The following SLC5A8 variants were observed in gnomAD, a reference collection of about 807,000 sequenced individuals.
SLC5A8 encodes the protein sodium-coupled monocarboxylate transporter 1.
In SLC5A8, 55 loss-of-function variants were observed where a neutral mutation model predicts 71.9. The ratio of observed to expected loss-of-function variants is 0.77; its 90% confidence interval spans 0.62 to 0.96. The LOEUF (loss-of-function observed/expected upper bound fraction) is 0.96, where lower values mean the gene tolerates loss of function less well. Among genes scored for constraint, SLC5A8 ranks in the 40% least tolerant of loss-of-function variants. SLC5A8 has a pLI of 0.00. For synonymous variants in SLC5A8, 307 were observed against 276.1 expected (o/e 1.11, Z -1.11); for missense variants, 701 against 745.3 (o/e 0.94, Z 0.69).
chr12:101,184,965 A>C (rs377495332), intron 7 of SLC5A8, among the ~76,000 whole-genome samples: 9 of 152,380 alleles, frequency 5.9e-5, no homozygotes, highest in Admixed American at 2.6e-4. Context: ...AAAGAGTCCT[A>C]AGTGGACAAT....
intron 10 of SLC5A8, among the ~76,000 whole-genome samples, chr12:101,173,273 T>C: frequency 6.6e-6 from 1 of 152,224 alleles, no homozygotes; most frequent in East Asian, 1.9e-4. Flanking sequence ...GGTGCCTTTC[T>C]CTTTGGGTTC....
intron 8 of SLC5A8, among the ~76,000 whole-genome samples, chr12:101,183,647 G>A (rs1055360602): frequency 1.3e-5 from 2 of 152,120 alleles, no homozygotes; most frequent in African/African-American, 4.8e-5. Context: ...AACACACACT[G>A]TACATGTTGA....
At chr12:101,187,571 T>C (rs1043285411) in intron 6 of SLC5A8, 56 bp from the exon 7 acceptor site, 1 of 1,554,796 alleles carries the variant, frequency 6.4e-7, no homozygotes, top group South Asian at 1.2e-5. Context: ...TCCCAAAGAT[T>C]AGGAAACCTG....
chr12:101,209,875 C>A lies in SLC5A8; in HGVS notation c.-27G>T, dbSNP rs76946257. On this transcript the variant is annotated 5_prime_UTR_variant, in exon 1 of 15. Transcript: ENST00000536262. ...GCCGCACGGTCGCCTGAGCCCTGCG[C>A]GCAAACTGGTGGCCCCGCGGCGCGC... 14,389 of 1,492,382 alleles carry A rather than the reference C, an allele frequency of 9.6e-3. 1,216 individuals carry two copies. The African/African-American group carries it at 0.18, about 19-fold the overall frequency. The allele number at this position is 1,492,382 out of a possible 1,614,324, so 92.4% of individuals were successfully genotyped here.
intron 14 of SLC5A8, among the ~76,000 whole-genome samples, chr12:101,157,908 A>G (rs1213999694): frequency 1.3e-5 from 2 of 152,208 alleles, no homozygotes; most frequent in Non-Finnish European, 2.9e-5. Context: ...GTAGCTCATC[A>G]GAGAATAGAG....
chr12:101,159,735 G>GA (rs1048510395), intron 13 of SLC5A8, among the ~76,000 whole-genome samples: 2 of 151,736 alleles, frequency 1.3e-5, no homozygotes, highest in African/African-American at 4.8e-5. Context: ...GCATTTAAAA[G>GA]AAAAAAAGGA....
chr12:101,187,748 G>C (rs1868720034), intron 6 of SLC5A8, among the ~76,000 whole-genome samples: 1 of 152,214 alleles, frequency 6.6e-6, no homozygotes, highest in African/African-American at 2.4e-5. Context: ...CCCCATGAAA[G>C]AGTGTATGCT....
intron 11 of SLC5A8, 76 bp from the exon 12 acceptor site, chr12:101,166,775 G>A (rs1162553340): frequency 4.2e-5 from 55 of 1,317,388 alleles, no homozygotes; most frequent in Non-Finnish European, 5.0e-5. Flanking sequence ...AGAAAGCCAA[G>A]TTCAACATGG....
intron 6 of SLC5A8, among the ~76,000 whole-genome samples, chr12:101,189,295 T>C (rs1868798879): frequency 6.6e-6 from 1 of 152,206 alleles, no homozygotes; most frequent in African/African-American, 2.4e-5. Flanking sequence ...TAAGTTCATT[T>C]TGGGGGGATC....
intron 10 of SLC5A8, among the ~76,000 whole-genome samples, chr12:101,177,194 T>C (rs935362099): frequency 4.6e-5 from 7 of 151,990 alleles, no homozygotes; most frequent in African/African-American, 1.7e-4. Context: ...AAAACATAAA[T>C]TGTCACAATT....
intron 9 of SLC5A8, among the ~76,000 whole-genome samples, chr12:101,181,610 G>T (rs996717865): frequency 5.3e-5 from 8 of 152,150 alleles, no homozygotes; most frequent in Admixed American, 3.9e-4. Flanking sequence ...GCTTGTATGG[G>T]TAACTGGATT....
intron 2 of SLC5A8, 49 bp from the exon 3 acceptor site, chr12:101,202,264 A>C: frequency 6.9e-7 from 1 of 1,445,530 alleles, no homozygotes; most frequent in Non-Finnish European, 9.3e-7. Flanking sequence ...TATAAAATTC[A>C]TGAATTACGT....
At chr12:101,181,362 C>T (rs1335848552) in intron 9 of SLC5A8, among the ~76,000 whole-genome samples, 1 of 152,146 alleles carries the variant, frequency 6.6e-6, no homozygotes, top group Admixed American at 6.5e-5. Context: ...TTATTGGAAA[C>T]ACATTCAAAT....
Position 101,180,054 on chromosome 12 carries a change from G to A in SLC5A8, c.1208C>T (p.Ala403Val), listed in dbSNP as rs747375853. 7 of 1,613,816 alleles carry A rather than the reference G, an allele frequency of 4.3e-6. No individual in the cohort carries two copies. The highest frequency in any genetic ancestry group is 2.7e-5 in the African/African-American group (2 of 74,878). Residue 403 changes from alanine to valine, a missense_variant, in exon 10 of 15, where the codon GCG (alanine) becomes GTG (valine). Ala to Val is a moderately conservative substitution (Grantham distance 64, BLOSUM62 0). Coordinates refer to ENST00000536262, the MANE Select transcript of SLC5A8 (RefSeq NM_145913.5). ...GALCIGMAAL[A>V]SLMGALLQAA... ...CTGCAACAAAGCTCCCATAAGTGAC[G>A]CCAGCGCAGCCATTCCAATACACAG...
intron 10 of SLC5A8, among the ~76,000 whole-genome samples, chr12:101,176,266 A>G (rs2051879303): frequency 6.6e-6 from 1 of 152,078 alleles, no homozygotes; most frequent in South Asian, 2.1e-4. Flanking sequence ...ACATTATATA[A>G]TAACAAAAAG....
At chr12:101,164,521 C>CGT (rs2051751238) in intron 12 of SLC5A8, among the ~76,000 whole-genome samples, 1 of 152,184 alleles carries the variant, frequency 6.6e-6, no homozygotes, top group Non-Finnish European at 1.5e-5. Flanking sequence ...CTGGGTGGCT[C>CGT]ACAACCCTTG....
intron 1 of SLC5A8, among the ~76,000 whole-genome samples, chr12:101,205,498 T>C (rs1361356786): frequency 6.6e-6 from 1 of 152,218 alleles, no homozygotes; most frequent in East Asian, 1.9e-4. Flanking sequence ...TAAGATTTTC[T>C]TTAACTTGAA....
At chr12:101,161,231 T>C (rs1278912104) in intron 13 of SLC5A8, among the ~76,000 whole-genome samples, 1 of 152,230 alleles carries the variant, frequency 6.6e-6, no homozygotes, top group African/African-American at 2.4e-5. Context: ...TCTTCTTTTG[T>C]CTACTCTTTC....
intron 10 of SLC5A8, among the ~76,000 whole-genome samples, chr12:101,172,370 G>A (rs1470268121): frequency 6.6e-6 from 1 of 152,224 alleles, no homozygotes; most frequent in Non-Finnish European, 1.5e-5. Flanking sequence ...CAGCCATCCA[G>A]ATGGGTGGTA....
Sources: allele counts gnomAD v4.1 joint callset (sites outside exome capture counted in the v4.1 genomes callset), GRCh38; gene constraint gnomAD v4.1.1; transcripts MANE v1.5; gene names NCBI Gene and HGNC (gene_info 2026-07-23, HGNC 2026-07-21).